HLF: variants seen among roughly 807,000 people sequenced by gnomAD.
HLF encodes the protein hepatic leukemia factor.
HLF carries 3 observed loss-of-function variants against 22.6 expected under a neutral mutation model. The ratio of observed to expected loss-of-function variants is 0.13; its 90% CI spans 0.06 to 0.34. The LOEUF is 0.34. Ranked by LOEUF, HLF falls within the 10% of genes least tolerant of loss-of-function variation. HLF has a pLI of 1.00. For synonymous variants in HLF, 151 were observed against 151.8 expected (o/e 0.99, Z 0.04); for missense variants, 299 against 389.2 (o/e 0.77, Z 1.95).
Position 55,291,203 on chromosome 17 carries a change from T to C in HLF, c.451+23117T>C, listed in dbSNP as rs541653193. Among the ~76,000 whole-genome samples the C allele has an allele frequency of 2.0e-5, 3 of 152,354 alleles. No homozygotes were observed. The South Asian group carries it at 6.2e-4, about 32-fold the overall frequency. ...AGCTAAGATCATTGATGAAGGTGGC[T>C]ATACTAAACAACAGAGTTTCAATAT... is the stretch of plus-strand genomic sequence containing the variant. On this transcript the variant is annotated intron_variant, in intron 2 of 3. Transcript: ENST00000226067.
intron 2 of HLF, among the ~76,000 whole-genome samples, chr17:55,291,312 G>A (rs1268476807): frequency 6.6e-6 from 1 of 152,168 alleles, no homozygotes; most frequent in Non-Finnish European, 1.5e-5. Context: ...CGAAGGACAG[G>A]CTGACTTTTG....
chr17:55,293,953 A>G (rs1423192326), intron 2 of HLF, among the ~76,000 whole-genome samples: 1 of 152,170 alleles, frequency 6.6e-6, no homozygotes, highest in Non-Finnish European at 1.5e-5. Flanking sequence ...GCCAATTCCT[A>G]GGGAATTTAA....
At chr17:55,305,802 G>A (rs749349637) in intron 2 of HLF, among the ~76,000 whole-genome samples, 2 of 152,192 alleles carry the variant, frequency 1.3e-5, no homozygotes, top group Non-Finnish European at 2.9e-5. Context: ...TCTCCTTGGG[G>A]CACAATTAGG....
chr17:55,313,065 T>G (rs1904903900), intron 2 of HLF, among the ~76,000 whole-genome samples: 1 of 152,200 alleles, frequency 6.6e-6, no homozygotes, highest in Non-Finnish European at 1.5e-5. Flanking sequence ...GCCACGTACC[T>G]TGTCTGTGGT....
Position 55,267,745 on chromosome 17 carries a change from C to A in HLF, c.116-6C>A, listed in dbSNP as rs563496609. 1.0e-5 allele frequency: 16 copies of A among 1,540,938 alleles called. No homozygotes were observed. In the African/African-American group the frequency reaches 2.2e-4, roughly 21 times the overall value. ...TTTTTAAGTCCAGCTTTCCCTTCTT[C>A]TGCAGCATTTAGTAAAGATAAAGAC... On this transcript the variant is annotated splice_region_variant and splice_polypyrimidine_tract_variant and intron_variant, in intron 1 of 3. Coordinates refer to ENST00000226067, the MANE Select transcript of HLF (RefSeq NM_002126.5).
chr17:55,280,744 AGT>A (rs2080946493), intron 2 of HLF, among the ~76,000 whole-genome samples: 1 of 152,092 alleles, frequency 6.6e-6, no homozygotes, highest in Admixed American at 6.6e-5. Flanking sequence ...TGCTCTCCTT[AGT>A]GTGAGTCTCT....
In HLF at chr17:55,324,693, C is replaced by A. The variant is rs1487959311; in HGVS notation, c.*3814C>A. 4.3e-6 allele frequency: 1 copy of A among 232,844 alleles called. No individual in the cohort carries two copies. Among genetic ancestry groups the A allele is most frequent in the African/African-American group, 2.2e-5 (1 of 45,314 alleles). 14.4% of individuals were successfully genotyped at this position (232,844 alleles called of 1,614,324 possible). ...GGCCAAGGTCTCCTCCACGTTTTTTCTGCAATTAATAATGTCATTTAAAAA... is the reference window on the plus strand; with the variant it reads ...GGCCAAGGTCTCCTCCACGTTTTTTATGCAATTAATAATGTCATTTAAAAA... On this transcript the variant is annotated 3_prime_UTR_variant, in exon 4 of 4. Coordinates refer to ENST00000226067, the MANE Select transcript of HLF (RefSeq NM_002126.5).
Position 55,324,680 on chromosome 17 carries a change from C to A in HLF, c.*3801C>A. ...CCCCCACTGGCAAGGCCAAGGTCTC[C>A]TCCACGTTTTTTCTGCAATTAATAA... On this transcript the variant is annotated 3_prime_UTR_variant, in exon 4 of 4. Transcript: ENST00000226067. The A allele has an allele frequency of 4.3e-6, 1 of 232,916 alleles. No individual in the cohort carries two copies. The highest frequency in any genetic ancestry group is 8.5e-6 in the Non-Finnish European group (1 of 117,842). 14.4% of individuals were successfully genotyped at this position (232,916 alleles called of 1,614,324 possible). A position where few individuals can be genotyped will look rare whatever the true frequency, so the allele number is the denominator to read the frequency against.
chr17:55,310,911 A>T (rs1904799084), intron 2 of HLF, among the ~76,000 whole-genome samples: 1 of 152,210 alleles, frequency 6.6e-6, no homozygotes, highest in Non-Finnish European at 1.5e-5. Context: ...AATAAACTGA[A>T]ATGTGAAAGG....
chr17:55,300,811 A>G (rs28710312), intron 2 of HLF, among the ~76,000 whole-genome samples: 4,971 of 152,240 alleles, frequency 0.033, 281 homozygotes, highest in African/African-American at 0.11. Flanking sequence ...ATCTTTCTGA[A>G]ACGAGTCATC....
chr17:55,271,190 A>C (rs2080853695), intron 2 of HLF, among the ~76,000 whole-genome samples: 1 of 152,274 alleles, frequency 6.6e-6, no homozygotes, highest in South Asian at 2.1e-4. Context: ...AACTACCTGC[A>C]ATGCTTTATG....
rs555937665 is a variant in HLF, at chr17:55,265,222, T to C, written c.-263T>C. On this transcript the variant is annotated 5_prime_UTR_variant, in exon 1 of 4. Coordinates refer to ENST00000226067, the MANE Select transcript of HLF (RefSeq NM_002126.5). ...GGGTTCGAGGCAGGTGAGAGCATCC[T>C]GCACGTCGCCGGGGAGCCCGCGGGC... 2 of 365,286 alleles carry C rather than the reference T, an allele frequency of 5.5e-6. No homozygotes were observed. Among genetic ancestry groups the C allele is most frequent in the East Asian group, 4.6e-5 (1 of 21,760 alleles). The allele number at this position is 365,286 out of a possible 1,614,324, so 22.6% of individuals were successfully genotyped here.
At chr17:55,275,277 A>G (rs540402144) in intron 2 of HLF, among the ~76,000 whole-genome samples, 1 of 151,996 alleles carries the variant, frequency 6.6e-6, no homozygotes, top group Non-Finnish European at 1.5e-5. Context: ...TGTATTTTCT[A>G]TAGATACAGG....
At chr17:55,317,258 C>G (rs560751084) in intron 3 of HLF, among the ~76,000 whole-genome samples, 1 of 152,128 alleles carries the variant, frequency 6.6e-6, no homozygotes, top group Non-Finnish European at 1.5e-5. Flanking sequence ...TAAGCCACCG[C>G]GCCCGGCCTT....
chr17:55,286,558 T>G (rs2081006004), intron 2 of HLF, among the ~76,000 whole-genome samples: 1 of 152,190 alleles, frequency 6.6e-6, no homozygotes, highest in Non-Finnish European at 1.5e-5. Flanking sequence ...GTTTTGGAAT[T>G]TTAAACCTTC....
intron 2 of HLF, among the ~76,000 whole-genome samples, chr17:55,301,129 C>T (rs2081154146): frequency 6.6e-6 from 1 of 152,258 alleles, no homozygotes; most frequent in South Asian, 2.1e-4. Context: ...GTTGTCCCTG[C>T]ACTCCCTCCA....
intron 2 of HLF, among the ~76,000 whole-genome samples, chr17:55,275,709 C>G (rs2080898780): frequency 6.6e-6 from 1 of 152,186 alleles, no homozygotes; most frequent in African/African-American, 2.4e-5. Flanking sequence ...AAAGCAACAT[C>G]CTTGTTGGGT....
In HLF at chr17:55,320,786, G is replaced by GAGGAAGGA; in HGVS notation, c.795_796insAGGAAGGA (p.Ala266ArgfsTer12). ...CCTCGTTCCTGGAGAAGGAGAACTC[G>GAGGAAGGA]GCCCTCCGCCAGGAGGTGGCTGACT... On this transcript the variant is annotated frameshift_variant, in exon 4 of 4. Coordinates refer to ENST00000226067, the MANE Select transcript of HLF (RefSeq NM_002126.5). LOFTEE classifies it high-confidence loss of function. This position sits in a 1 kb window ranked among gnomAD's most constrained non-coding sequence, Gnocchi z 4.2. The GAGGAAGGA allele has an allele frequency of 6.2e-7, 1 of 1,613,926 alleles. No homozygotes were observed.
At position 55,322,258 on chromosome 17, in the gene HLF, A is replaced by G. The variant is rs1376973352; in HGVS notation, c.*1379A>G. On this transcript the variant is annotated 3_prime_UTR_variant, in exon 4 of 4. Transcript: ENST00000226067. ...GTTAATCCAATCAATTTAAATGTTT[A>G]CTATAGACCAAAAGGAGAGATTATT... 1.0e-5 allele frequency: 2 copies of G among 197,464 alleles called. No homozygotes were observed. Among genetic ancestry groups the G allele is most frequent in the East Asian group, 1.6e-4 (2 of 12,570 alleles). 12.2% of individuals were successfully genotyped at this position (197,464 alleles called of 1,614,324 possible). A position where few individuals can be genotyped will look rare whatever the true frequency, so the allele number is the denominator to read the frequency against.
Sources: gnomAD v4.1 joint callset for allele counts (sites outside exome capture counted in the v4.1 genomes callset) on GRCh38, gnomAD v4.1.1 for gene constraint, Gnocchi (gnomAD v3.1) non-coding constraint, MANE v1.5 for transcripts, NCBI Gene and HGNC (gene_info 2026-07-23, HGNC 2026-07-21) for gene names.